Variants in ZNF280D observed in about 807,000 individuals in gnomAD.
ZNF280D encodes the protein suppressor of hairy wing homolog 4.
In ZNF280D, 39 loss-of-function variants were observed where a neutral mutation model predicts 94.7. That is an observed-to-expected ratio of 0.41 (90% CI 0.32 to 0.54). The LOEUF (loss-of-function observed/expected upper bound fraction) is 0.54, where lower values mean the gene tolerates loss of function less well. Among genes scored for constraint, ZNF280D ranks in the 20% least tolerant of loss-of-function variants. ZNF280D has a pLI of 0.22. For missense variants in ZNF280D, 1,090 were observed against 1,149.3 expected (o/e 0.95, Z 0.75); for synonymous variants, 398 against 377.6 (o/e 1.05, Z -0.63).
chr15:56,726,750 T>C (rs1328756132), intron 1 of ZNF280D, among the ~76,000 whole-genome samples: 1 of 152,232 alleles, frequency 6.6e-6, no homozygotes, highest in Non-Finnish European at 1.5e-5. Flanking sequence ...TTTGCAAAAA[T>C]ATTGCATCAA....
chr15:56,720,397 T>C (rs141285350), intron 1 of ZNF280D, among the ~76,000 whole-genome samples: 8 of 152,296 alleles, frequency 5.3e-5, no homozygotes, highest in Non-Finnish European at 1.2e-4. Context: ...GCTACTCCCA[T>C]CACATCTGCA....
At position 56,631,820 on chromosome 15, in the gene ZNF280D, T is replaced by A. The variant is rs746503091; in HGVS notation, c.2618A>T (p.Glu873Val). The change falls in exon 22 of 22, where the codon GAA (glutamate) becomes GTA (valine). Residue 873 changes from glutamate to valine, a missense_variant. Glu to Val is a moderately radical substitution (Grantham distance 121). Transcript: ENST00000267807. ...SDQIKDHNSS[E>V]ARFSSKNIKD... The stretch of plus-strand genomic sequence containing the variant: ...AATATTCTTTGAAGAAAATCTGGCT[T>A]CACTGGAGTTGTGATCTTTAATCTG... 1.4e-5 allele frequency: 22 copies of A among 1,613,962 alleles called. 1 individual carries two copies. The East Asian group carries it at 4.9e-4, about 36-fold the overall frequency.
At chr15:56,722,024 A>C (rs544149687) in intron 1 of ZNF280D, among the ~76,000 whole-genome samples, 4 of 152,312 alleles carry the variant, frequency 2.6e-5, no homozygotes, top group African/African-American at 9.6e-5. Context: ...CTTACAGGCC[A>C]TTATAAAGTT....
chr15:56,633,780 C>T lies in ZNF280D; in HGVS notation c.2315+1415G>A, dbSNP rs139182484. Among the ~76,000 whole-genome samples, 165 of 151,956 alleles carry T rather than the reference C, an allele frequency of 1.1e-3. 7 individuals are homozygous for T. In the East Asian group the frequency reaches 0.028, roughly 26 times the overall value. ...CTGGGATTACAGGCATGAGCCACAG[C>T]GCCCAGCCAAAAACCTAGTATGTTA... is the stretch of plus-strand genomic sequence containing the variant. On this transcript the variant is annotated intron_variant, in intron 21 of 21. Transcript: ENST00000267807.
intron 19 of ZNF280D, 200 bp downstream of exon 19, chr15:56,653,998 A>C: frequency 7.0e-7 from 1 of 1,436,428 alleles, no homozygotes; most frequent in Non-Finnish European, 9.1e-7. Context: ...AGAACTTTGA[A>C]CTTAGGAAAT....
At chr15:56,641,699 T>C (rs981040598) in intron 20 of ZNF280D, among the ~76,000 whole-genome samples, 1 of 151,858 alleles carries the variant, frequency 6.6e-6, no homozygotes. Flanking sequence ...TTAGGCATAA[T>C]TATTTTAGGG....
At chr15:56,643,809 C>A (rs1295776372) in intron 19 of ZNF280D, among the ~76,000 whole-genome samples, 1 of 151,676 alleles carries the variant, frequency 6.6e-6, no homozygotes, top group African/African-American at 2.4e-5. Flanking sequence ...TTAAGTGATA[C>A]ATAATTTTAT....
At chr15:56,705,505 T>C (rs1363190875) in intron 3 of ZNF280D, among the ~76,000 whole-genome samples, 4 of 152,200 alleles carry the variant, frequency 2.6e-5, no homozygotes, top group African/African-American at 9.6e-5. Flanking sequence ...GAGAAGTTAC[T>C]TGAACCTATT....
chr15:56,670,327 C>T (rs1337565269), intron 13 of ZNF280D, among the ~76,000 whole-genome samples: 3 of 151,208 alleles, frequency 2.0e-5, no homozygotes, highest in Non-Finnish European at 4.4e-5. Context: ...GTTATTTTTC[C>T]TGATCCTCTC....
At chr15:56,676,335 C>T (rs1277269688) in intron 13 of ZNF280D, among the ~76,000 whole-genome samples, 1 of 152,114 alleles carries the variant, frequency 6.6e-6, no homozygotes. Context: ...GTCCTGATAA[C>T]TCCCTTCAAA....
chr15:56,702,360 T>A (rs2057130594), intron 4 of ZNF280D, among the ~76,000 whole-genome samples: 1 of 152,212 alleles, frequency 6.6e-6, no homozygotes, highest in Non-Finnish European at 1.5e-5. Flanking sequence ...CAGTTTTATA[T>A]AAACATTTAA....
At chr15:56,670,258 G>A (rs189785673) in intron 13 of ZNF280D, among the ~76,000 whole-genome samples, 397 of 150,092 alleles carry the variant, frequency 2.6e-3, no homozygotes, top group Non-Finnish European at 4.2e-3. Context: ...TGATACACAG[G>A]TAAACGTGTA....
intron 17 of ZNF280D, among the ~76,000 whole-genome samples, chr15:56,657,235 T>A (rs2053608054): frequency 6.6e-6 from 1 of 152,114 alleles, no homozygotes; most frequent in Non-Finnish European, 1.5e-5. Flanking sequence ...AAGATAACTA[T>A]CAATGCCTTT....
At chr15:56,685,641 T>C (rs1411888066) in intron 9 of ZNF280D, among the ~76,000 whole-genome samples, 1 of 152,192 alleles carries the variant, frequency 6.6e-6, no homozygotes, top group Non-Finnish European at 1.5e-5. Flanking sequence ...GGAAGTTTCA[T>C]GCTACTTTAA....
chr15:56,692,568 C>G (rs761241864), intron 7 of ZNF280D, among the ~76,000 whole-genome samples: 1 of 152,064 alleles, frequency 6.6e-6, no homozygotes, highest in Admixed American at 6.5e-5. Context: ...AGGGAAAGTT[C>G]ACTAATCCTT....
chr15:56,689,447 A>G lies in ZNF280D; in HGVS notation c.523T>C (p.Ser175Pro), dbSNP rs2056286005. 2 of 1,566,912 alleles carry G rather than the reference A, an allele frequency of 1.3e-6. No homozygotes were observed. The highest frequency in any genetic ancestry group is 1.7e-6 in the Non-Finnish European group (2 of 1,158,818). ...MAGMSESSFL[S>P]KRPSTSEVNN... ...ACTTCAGAAGTAGAAGGACGTTTTG[A>G]TAAAAATGAACTTTCACTCATACCT... is the stretch of plus-strand genomic sequence containing the variant. Residue 175 changes from serine to proline, a missense_variant, in exon 8 of 22, where the codon TCA becomes CCA. By Grantham distance (74) the Ser-to-Pro change is moderately conservative (BLOSUM62 -1). Around this residue, in one of 3 missense-constraint regions of ZNF280D, gnomAD observed 386 missense variants for 372.0 expected, o/e 1.04. Transcript: ENST00000267807.
chr15:56,730,782 C>T (rs1231246490), intron 1 of ZNF280D, among the ~76,000 whole-genome samples: 1 of 152,220 alleles, frequency 6.6e-6, no homozygotes, highest in East Asian at 1.9e-4. Context: ...TTCTTCCTAA[C>T]TTCCAAAGCC....
At chr15:56,692,665 G>T (rs2056491845) in intron 7 of ZNF280D, among the ~76,000 whole-genome samples, 1 of 151,868 alleles carries the variant, frequency 6.6e-6, no homozygotes, top group Admixed American at 6.6e-5. Context: ...TAATCATATT[G>T]AACTATCACG....
At chr15:56,668,613 T>A (rs986816785) in intron 14 of ZNF280D, among the ~76,000 whole-genome samples, 3 of 152,054 alleles carry the variant, frequency 2.0e-5, no homozygotes, top group African/African-American at 7.2e-5. Flanking sequence ...TTGTACTTTT[T>A]AAAAAGGACT....
Sources: allele counts gnomAD v4.1 joint callset (sites outside exome capture counted in the v4.1 genomes callset), GRCh38; gene constraint gnomAD v4.1.1; regional missense constraint gnomAD v4.1.1; transcripts MANE v1.5; gene names NCBI Gene and HGNC (gene_info 2026-07-23, HGNC 2026-07-21).